The following ARMC3 variants were observed in gnomAD, a reference collection of about 807,000 sequenced individuals.
ARMC3 encodes armadillo repeat-containing protein 3.
In ARMC3, 74 loss-of-function variants were observed where a neutral mutation model predicts 90.3. The observed-to-expected ratio is 0.82, with a 90% CI of 0.68 to 0.99. The LOEUF (loss-of-function observed/expected upper bound fraction) is 0.99, where lower values mean the gene tolerates loss of function less well. ARMC3 is among the 50% of genes least tolerant of loss of function. ARMC3 has a pLI of 0.00. For missense variants in ARMC3, 958 were observed against 1,042.8 expected (o/e 0.92, Z 1.12); for synonymous variants, 334 against 361.8 (o/e 0.92, Z 0.87).
chr10:23,028,181 C>G (rs1375536100), intron 16 of ARMC3, among the ~76,000 whole-genome samples: 2 of 152,216 alleles, frequency 1.3e-5, no homozygotes, highest in Admixed American at 1.3e-4. Flanking sequence ...CAATTTTGTT[C>G]TGGGTGTTGT....
intron 8 of ARMC3, among the ~76,000 whole-genome samples, chr10:22,972,987 C>T (rs1835741972): frequency 6.6e-6 from 1 of 152,044 alleles, no homozygotes; most frequent in African/African-American, 2.4e-5. Context: ...CTCAAAGTTC[C>T]TCATTTTAAT....
chr10:23,015,344 C>T (rs1186408212), intron 16 of ARMC3, among the ~76,000 whole-genome samples: 1 of 152,178 alleles, frequency 6.6e-6, no homozygotes, highest in Non-Finnish European at 1.5e-5. Flanking sequence ...CCACTCTCCT[C>T]CTTCCTTAGT....
chr10:22,959,154 A>G lies in ARMC3; in HGVS notation c.361+16A>G, dbSNP rs369710112. The G allele has an allele frequency of 1.1e-5, 18 of 1,602,090 alleles. No individual in the cohort carries two copies. The African/African-American group carries it at 2.1e-4, about 19-fold the overall frequency. On this transcript the variant is annotated intron_variant, in intron 5 of 18. Transcript: ENST00000298032. ...GCTCCAGAAGGTAACTTTGCATTCT[A>G]TATCTGTTTTAAAAAATGGAACTGG...
intron 3 of ARMC3, 67 bp from the exon 4 acceptor site, chr10:22,955,740 G>T (rs1834909856): frequency 1.3e-6 from 2 of 1,570,804 alleles, no homozygotes; most frequent in African/African-American, 1.4e-5. Context: ...AATTGGAATG[G>T]CACAAGGCAG....
At chr10:22,958,505 C>T (rs1835048861) in intron 4 of ARMC3, among the ~76,000 whole-genome samples, 1 of 152,084 alleles carries the variant, frequency 6.6e-6, no homozygotes, top group South Asian at 2.1e-4. Context: ...TCTAGGCACA[C>T]TTTGCACTTT....
intron 8 of ARMC3, among the ~76,000 whole-genome samples, chr10:22,977,953 G>A (rs952281448): frequency 3.3e-5 from 5 of 152,118 alleles, no homozygotes; most frequent in Non-Finnish European, 2.9e-5. Flanking sequence ...GACATTTTTG[G>A]GCAGTACTGC....
At chr10:23,004,907 A>C (rs927378856) in intron 13 of ARMC3, among the ~76,000 whole-genome samples, 15 of 152,172 alleles carry the variant, frequency 9.9e-5, no homozygotes, top group Non-Finnish European at 2.9e-5. Context: ...GCATCAGGAC[A>C]AAGCTGTTTT....
intron 3 of ARMC3, among the ~76,000 whole-genome samples, chr10:22,947,880 T>C (rs1171900756): frequency 6.6e-6 from 1 of 152,214 alleles, no homozygotes; most frequent in Non-Finnish European, 1.5e-5. Flanking sequence ...TCATAGAGGA[T>C]TTAAAAACAT....
Position 23,005,345 on chromosome 10 carries a change from C to G in ARMC3, c.1732-1539C>G, listed in dbSNP as rs570002162. On this transcript the variant is annotated intron_variant, in intron 13 of 18. Transcript: ENST00000298032. The stretch of plus-strand genomic sequence containing the variant: ...TAGATCAGATAAAATTGTGACAAAA[C>G]GTGTTTGGTCATGAAGTTTTAAAAC... Among the ~76,000 whole-genome samples, 6 of 151,616 alleles carry G rather than the reference C, an allele frequency of 4.0e-5. No individual in the cohort carries two copies. In the East Asian group the frequency reaches 1.2e-3, roughly 29 times the overall value.
intron 4 of ARMC3, among the ~76,000 whole-genome samples, chr10:22,957,734 A>G (rs1835007328): frequency 6.6e-6 from 1 of 152,200 alleles, no homozygotes; most frequent in Non-Finnish European, 1.5e-5. Flanking sequence ...CAATTGAATT[A>G]TGGGCCTTCC....
chr10:22,994,746 A>C (rs1369964417), intron 10 of ARMC3, among the ~76,000 whole-genome samples: 1 of 152,202 alleles, frequency 6.6e-6, no homozygotes, highest in Admixed American at 6.5e-5. Context: ...AGGATGCTGA[A>C]TTGGATTCTG....
Position 23,030,706 on chromosome 10 carries a change from C to G in ARMC3, c.2156C>G (p.Ser719Cys). 2 of 1,613,908 alleles carry G rather than the reference C, an allele frequency of 1.2e-6. No homozygotes were observed. The highest frequency in any genetic ancestry group is 1.7e-6 in the Non-Finnish European group (2 of 1,179,868). ...TCTGACAAAGAATGGTGTCCTCCCT[C>G]TGACCCTGATTTCTCTATGTATGTG... The part of the protein sequence containing the change: ...GSSDKEWCPP[S>C]DPDFSMYVYE... The change falls in exon 17 of 19, where the codon TCT (serine) becomes TGT (cysteine). Residue 719 changes from serine to cysteine, a missense_variant. Coordinates refer to ENST00000298032, the MANE Select transcript of ARMC3 (RefSeq NM_173081.5).
At chr10:22,955,694 G>T in intron 3 of ARMC3, 113 bp from the exon 4 acceptor site, 1 of 1,323,542 alleles carries the variant, frequency 7.6e-7, no homozygotes, top group Non-Finnish European at 1.0e-6. Context: ...ACGAACGGAA[G>T]CCAAGAGTAA....
At chr10:23,010,189 C>T (rs1837858255) in intron 16 of ARMC3, among the ~76,000 whole-genome samples, 1 of 145,318 alleles carries the variant, frequency 6.9e-6, no homozygotes, top group African/African-American at 2.6e-5. Flanking sequence ...TCCAGCTTCC[C>T]TCTCCTTCCC....
At chr10:23,014,903 A>AAC (rs1554786065) in intron 16 of ARMC3, among the ~76,000 whole-genome samples, 16 of 139,586 alleles carry the variant, frequency 1.1e-4, no homozygotes, top group African/African-American at 2.4e-4. Flanking sequence ...AAAAAAAAAA[A>AAC]AAAAAACCCC....
intron 1 of ARMC3, among the ~76,000 whole-genome samples, chr10:22,931,780 C>T (rs911114780): frequency 6.6e-6 from 1 of 152,168 alleles, no homozygotes; most frequent in Non-Finnish European, 1.5e-5. Context: ...AGGACTAACA[C>T]TCAATGATCT....
At chr10:22,947,760 A>C (rs145545760) in intron 3 of ARMC3, among the ~76,000 whole-genome samples, 250 of 152,344 alleles carry the variant, frequency 1.6e-3, no homozygotes, top group African/African-American at 5.6e-3. Context: ...AGGTATGTGC[A>C]AAGTCTTTGT....
chr10:22,963,749 G>T (rs1293765435), intron 7 of ARMC3, among the ~76,000 whole-genome samples: 1 of 151,478 alleles, frequency 6.6e-6, no homozygotes, highest in Non-Finnish European at 1.5e-5. Context: ...AATTAGCTGG[G>T]CATGGTGGCA....
chr10:22,962,002 C>A lies in ARMC3; in HGVS notation c.656C>A (p.Ala219Glu), dbSNP rs762484589. Residue 219 changes from alanine (A) to glutamate (E), a missense_variant, in exon 7 of 19, where the codon GCA becomes GAA. Ala to Glu is a moderately radical substitution (Grantham distance 107). Transcript: ENST00000298032. ...GCTCTCAAAACCTTAGGTGTTATTG[C>A]AAATGATAAGGAGTCTCGAACAATG... ...LLALKTLGVIANDKESRTMLR... is the reference protein window; with the variant it reads ...LLALKTLGVIENDKESRTMLR... 25 of 1,612,238 alleles carry A rather than the reference C, an allele frequency of 1.6e-5. No homozygotes were observed. The highest frequency in any genetic ancestry group is 1.4e-4 in the South Asian group (13 of 90,860).
Sources: gnomAD v4.1 joint callset for allele counts (sites outside exome capture counted in the v4.1 genomes callset) on GRCh38, gnomAD v4.1.1 for gene constraint, MANE v1.5 for transcripts, NCBI Gene and HGNC (gene_info 2026-07-23, HGNC 2026-07-21) for gene names.